The following FAM222A variants were observed in gnomAD, a reference collection of about 807,000 sequenced individuals.
FAM222A encodes family with sequence similarity 222 member A.
A neutral mutation model predicts 25.8 loss-of-function variants in FAM222A; 7 were observed. The observed-to-expected ratio is 0.27, with a 90% CI of 0.15 to 0.51. The LOEUF (loss-of-function observed/expected upper bound fraction) is 0.51. Ranked by LOEUF, FAM222A falls within the 20% of genes least tolerant of loss-of-function variation. The pLI is 0.97. For synonymous variants in FAM222A, 294 were observed against 298.8 expected, an observed-to-expected ratio of 0.98 and a Z score of 0.17; for missense variants, 573 against 640.5, an observed-to-expected ratio of 0.89 and a Z score of 1.14.
chr12:109,747,425 TG>T (rs1888432943), intron 2 of FAM222A, among the ~76,000 whole-genome samples: 1 of 152,224 alleles, frequency 6.6e-6, no homozygotes, highest in African/African-American at 2.4e-5. Flanking sequence ...TGGTAGAGGT[TG>T]TTGCTCCTTG....
chr12:109,716,416 C>G (rs1887646667), intron 1 of FAM222A, among the ~76,000 whole-genome samples: 1 of 152,222 alleles, frequency 6.6e-6, no homozygotes, highest in East Asian at 1.9e-4. Flanking sequence ...AGGCCCCAGT[C>G]TATGCAGCGA....
At chr12:109,719,862 A>C (rs781180908) in intron 1 of FAM222A, among the ~76,000 whole-genome samples, 2 of 152,196 alleles carry the variant, frequency 1.3e-5, no homozygotes, top group African/African-American at 4.8e-5. Flanking sequence ...GGCAGGGGCC[A>C]GCTAAGATCC....
At position 109,768,003 on chromosome 12, in the gene FAM222A, C is replaced by T; in HGVS notation, c.83-9C>T. The T allele has an allele frequency of 6.2e-7, 1 of 1,608,676 alleles. No individual in the cohort carries two copies. On this transcript the variant is annotated splice_polypyrimidine_tract_variant and intron_variant, in intron 2 of 2. Transcript: ENST00000538780. ...CTGATGGGCCCTCACACCTGCTTTCCTCCCACAGGCGAGGCGGTGGCCAGC... is the reference window on the plus strand; with the variant it reads ...CTGATGGGCCCTCACACCTGCTTTCTTCCCACAGGCGAGGCGGTGGCCAGC...
chr12:109,744,956 C>T (rs934825189), intron 2 of FAM222A, among the ~76,000 whole-genome samples: 4 of 152,204 alleles, frequency 2.6e-5, no homozygotes, highest in African/African-American at 9.7e-5. Flanking sequence ...CCACCCCTCC[C>T]TATTGCTTCT....
chr12:109,761,962 C>A (rs1888911230), intron 2 of FAM222A, among the ~76,000 whole-genome samples: 1 of 152,128 alleles, frequency 6.6e-6, no homozygotes, highest in African/African-American at 2.4e-5. Flanking sequence ...CACCCTGCAC[C>A]AACTGCTTCC....
chr12:109,737,083 C>T (rs1274516542), intron 1 of FAM222A, among the ~76,000 whole-genome samples: 1 of 152,098 alleles, frequency 6.6e-6, no homozygotes, highest in Non-Finnish European at 1.5e-5. Context: ...TATTATGTAC[C>T]TTGTATGTCT....
chr12:109,760,140 C>T (rs941152767), intron 2 of FAM222A, among the ~76,000 whole-genome samples: 1 of 152,048 alleles, frequency 6.6e-6, no homozygotes, highest in South Asian at 2.1e-4. Flanking sequence ...CATGGTGGAA[C>T]GCTGGGTGGA....
intron 1 of FAM222A, among the ~76,000 whole-genome samples, chr12:109,741,174 G>C (rs1888231892): frequency 6.6e-6 from 1 of 152,032 alleles, no homozygotes; most frequent in Non-Finnish European, 1.5e-5. Context: ...TTCCCTCCTA[G>C]GACACCCCAC....
intron 1 of FAM222A, among the ~76,000 whole-genome samples, chr12:109,723,798 G>A (rs927244897): frequency 2.0e-5 from 3 of 152,208 alleles, no homozygotes; most frequent in East Asian, 3.9e-4. Flanking sequence ...CCTGTCCCAC[G>A]TCCCATCTTC....
chr12:109,749,814 A>G (rs1432555503), intron 2 of FAM222A, among the ~76,000 whole-genome samples: 1 of 152,202 alleles, frequency 6.6e-6, no homozygotes, highest in Non-Finnish European at 1.5e-5. Flanking sequence ...ATCCTAAGAG[A>G]TAAAATTGAA....
At position 109,750,158 on chromosome 12, in the gene FAM222A, T is replaced by C. The variant is rs149445815; in HGVS notation, c.82+5930T>C. ...TCTCTGCTTTGTTTTGTGTACCTAC[T>C]AATAATAAGGAAGGTTGGTGGCCTT... On this transcript the variant is annotated intron_variant, in intron 2 of 2. Transcript: ENST00000538780. 1.4e-3 allele frequency among the ~76,000 whole-genome samples: 216 copies of C among 152,372 alleles called. 1 individual carries two copies. In the South Asian group the frequency reaches 0.017, roughly 12 times the overall value.
At position 109,741,431 on chromosome 12, in the gene FAM222A, A is replaced by G. The variant is rs542271571; in HGVS notation, c.-46-2670A>G. ...ACCCTGAAAACCCCTCCCAGCTCCC[A>G]GAACTGCCTGGCATCCACCATAAGA... is the stretch of plus-strand genomic sequence containing the variant. On this transcript the variant is annotated intron_variant, in intron 1 of 2. Coordinates refer to ENST00000538780, the MANE Select transcript of FAM222A (RefSeq NM_032829.3). Among the ~76,000 whole-genome samples the G allele has an allele frequency of 9.2e-5, 14 of 152,338 alleles. No homozygotes were observed. In the South Asian group the frequency reaches 2.3e-3, roughly 25 times the overall value.
At position 109,721,293 on chromosome 12, in the gene FAM222A, G is replaced by A. The variant is rs1056597051; in HGVS notation, c.-47+6396G>A. 1.9e-4 allele frequency among the ~76,000 whole-genome samples: 29 copies of A among 152,284 alleles called. 1 individual carries two copies. The highest frequency in any genetic ancestry group is 4.1e-4 in the South Asian group (2 of 4,830). ...TAGGATCCTCGGGCAGGGGCCGAGG[G>A]GACGCTGTTCTGGGCCAGCTGTCTC... is the stretch of plus-strand genomic sequence containing the variant. On this transcript the variant is annotated intron_variant, in intron 1 of 2. Coordinates refer to ENST00000538780, the MANE Select transcript of FAM222A (RefSeq NM_032829.3).
At chr12:109,767,920 G>A in intron 2 of FAM222A, 92 bp from the exon 3 acceptor site, 1 of 1,258,990 alleles carries the variant, frequency 7.9e-7, no homozygotes, top group Non-Finnish European at 1.1e-6. Context: ...AAATGAATGG[G>A]AAATGAGTGG....
At chr12:109,750,060 C>T (rs2136356647) in intron 2 of FAM222A, among the ~76,000 whole-genome samples, 1 of 152,258 alleles carries the variant, frequency 6.6e-6, no homozygotes, top group South Asian at 2.1e-4. Context: ...TGATATGACA[C>T]ATGTGGTCTT....
Position 109,768,164 on chromosome 12 carries a change from G to A in FAM222A, c.235G>A (p.Val79Ile). 6.2e-7 allele frequency: 1 copy of A among 1,613,858 alleles called. No individual in the cohort carries two copies. The highest frequency in any genetic ancestry group is 8.5e-7 in the Non-Finnish European group (1 of 1,180,012). ...VPQHKHLSRT[V>I]NGYDTSGQRY... The stretch of plus-strand genomic sequence containing the variant: ...CCAGCACAAGCACCTCAGCCGCACA[G>A]TCAATGGCTATGACACCAGTGGCCA... Residue 79 changes from valine to isoleucine, a missense_variant, in exon 3 of 3, where the codon GTC (valine) becomes ATC (isoleucine). By Grantham distance (29) the Val-to-Ile change is conservative. Coordinates refer to ENST00000538780, the MANE Select transcript of FAM222A (RefSeq NM_032829.3).
chr12:109,767,856 C>A (rs979687014), intron 2 of FAM222A, among the ~76,000 whole-genome samples, 156 bp from the exon 3 acceptor site: 1 of 152,138 alleles, frequency 6.6e-6, no homozygotes, highest in Admixed American at 6.5e-5. Context: ...CAGGCAGTTC[C>A]CTGCACTTTA....
chr12:109,752,124 A>T (rs1888578385), intron 2 of FAM222A, among the ~76,000 whole-genome samples: 1 of 151,934 alleles, frequency 6.6e-6, no homozygotes, highest in Admixed American at 6.6e-5. Flanking sequence ...CCCTGTCAAG[A>T]CTCCCTGCCC....
In FAM222A at chr12:109,769,543, GCCTT is replaced by G. The variant is rs1434340893; in HGVS notation, c.*260_*263del. ...CCTGGGGGCAGCCACTGACGCCCAT[GCCTT>G]CCTTTATCTAAGCTGGCAGAGGCAG... is the stretch of plus-strand genomic sequence containing the variant. On this transcript the variant is annotated 3_prime_UTR_variant, in exon 3 of 3. Coordinates refer to ENST00000538780, the MANE Select transcript of FAM222A (RefSeq NM_032829.3). 6 of 537,026 alleles carry G rather than the reference GCCTT, an allele frequency of 1.1e-5. No individual in the cohort carries two copies. Among genetic ancestry groups the G allele is most frequent in the South Asian group, 2.8e-5 (1 of 35,958 alleles). The allele number at this position is 537,026 out of a possible 1,614,324, so 33.3% of individuals were successfully genotyped here. A position where few individuals can be genotyped will look rare whatever the true frequency, so the allele number is the denominator to read the frequency against.
Sources: gnomAD v4.1 joint callset for allele counts (sites outside exome capture counted in the v4.1 genomes callset) on GRCh38, gnomAD v4.1.1 for gene constraint, MANE v1.5 for transcripts, NCBI Gene and HGNC (gene_info 2026-07-23, HGNC 2026-07-21) for gene names.